The following GON4L variants were observed in gnomAD, a reference collection of about 807,000 sequenced individuals.
The protein encoded by GON4L is GON-4-like protein.
In GON4L, 87 loss-of-function variants were observed where a neutral mutation model predicts 211.8. That is an observed-to-expected ratio of 0.41 (90% CI 0.35 to 0.49). The LOEUF (loss-of-function observed/expected upper bound fraction) is 0.49. GON4L is among the 20% of genes least tolerant of loss of function. GON4L has a pLI of 0.15. For missense variants in GON4L, 2,155 were observed against 2,659.5 expected (o/e 0.81, Z 4.17); for synonymous variants, 875 against 962.6 (o/e 0.91, Z 1.68).
chr1:155,779,427 C>T (rs983934922), intron 14 of GON4L, among the ~76,000 whole-genome samples: 1 of 151,008 alleles, frequency 6.6e-6, no homozygotes, highest in African/African-American at 2.4e-5. Flanking sequence ...AGTGATTCTC[C>T]TGCCTCAGCC....
At position 155,763,530 on chromosome 1, in the gene GON4L, T is replaced by C; in HGVS notation, c.4508A>G (p.Glu1503Gly). 1 of 1,548,866 alleles carries C rather than the reference T, an allele frequency of 6.5e-7. No individual in the cohort carries two copies. ...CTCACCCTCCTGACTCATGCGCCTT[T>C]CAGATGCCAGCCAAGTCAGTTTCTC... ...TMEKLTWLAS[E>G]RRMSQEGESE... The change falls in exon 22 of 32, where the codon GAA becomes GGA. Residue 1503 changes from glutamate (E) to glycine (G), a missense_variant. By Grantham distance (98) the Glu-to-Gly change is moderately conservative. This residue lies in a region of GON4L where 35 missense variants were observed against 73.9 expected (regional missense o/e 0.47). Coordinates refer to ENST00000368331, the MANE Select transcript of GON4L (RefSeq NM_001282860.2).
chr1:155,816,747 C>T (rs1005331520), intron 6 of GON4L, among the ~76,000 whole-genome samples: 1 of 136,208 alleles, frequency 7.3e-6, no homozygotes, highest in African/African-American at 2.8e-5. Context: ...GGTAGCCCTG[C>T]TCTGCCTATG....
chr1:155,854,255 C>T (rs1389150275), intron 1 of GON4L, among the ~76,000 whole-genome samples: 1 of 152,198 alleles, frequency 6.6e-6, no homozygotes, highest in Non-Finnish European at 1.5e-5. Context: ...GCGTTTTACG[C>T]CATTCTCCTG....
chr1:155,827,485 A>T (rs949828613), intron 2 of GON4L, among the ~76,000 whole-genome samples: 1 of 152,138 alleles, frequency 6.6e-6, no homozygotes, highest in Non-Finnish European at 1.5e-5. Flanking sequence ...AACACTTCAT[A>T]AACACTCCCT....
At chr1:155,749,198 G>A (rs1660371408), downstream of GON4L, 1 of 1,294,406 alleles carries the variant, frequency 7.7e-7, no homozygotes, top group South Asian at 1.4e-5. Flanking sequence ...GTTGCAGTGA[G>A]CCGAGATCAC....
Position 155,773,198 on chromosome 1 carries a change from G to A in GON4L, c.2363C>T (p.Pro788Leu), listed in dbSNP as rs200205819. The A allele has an allele frequency of 3.7e-5, 60 of 1,613,830 alleles. No individual in the cohort carries two copies. The highest frequency in any genetic ancestry group is 5.9e-6 in the Non-Finnish European group (7 of 1,179,944). Residue 788 changes from proline to leucine, a missense_variant, in exon 18 of 32, where the codon CCC (proline) becomes CTC (leucine). This residue lies in a region of GON4L where 551 missense variants were observed against 854.0 expected (regional missense o/e 0.65). Transcript: ENST00000368331. ...CCAAGCCACTTGCTTTGGCAAACAG[G>A]GAAATTCATTCGCTATAAGAAAATA... ...KTVKKTANEF[P>L]CLPKQVAWIL...
chr1:155,785,381 G>T lies in GON4L; in HGVS notation c.1748-7C>A. 1 of 1,584,050 alleles carries T rather than the reference G, an allele frequency of 6.3e-7. No individual in the cohort carries two copies. The highest frequency in any genetic ancestry group is 8.7e-7 in the Non-Finnish European group (1 of 1,152,642). On this transcript the variant is annotated splice_region_variant and splice_polypyrimidine_tract_variant and intron_variant, in intron 12 of 31. Coordinates refer to ENST00000368331, the MANE Select transcript of GON4L (RefSeq NM_001282860.2). Reference sequence around the variant, plus strand: ...AGCTCATTTACTTCCTTTTCTGCAAGAAAGCCAGACAGTATATTGTTGGTA... The same window carrying T: ...AGCTCATTTACTTCCTTTTCTGCAATAAAGCCAGACAGTATATTGTTGGTA...
rs992090588 is a variant in GON4L at position 155,835,170 on chromosome 1, C to T, written c.506-8142G>A. ...ATCCTGTTGATCTGTGACCTTACCC[C>T]CAACCCTGTGCTCTCTGAAACATGT... is the stretch of plus-strand genomic sequence containing the variant. On this transcript the variant is annotated intron_variant, in intron 2 of 31. Transcript: ENST00000368331. Among the ~76,000 whole-genome samples the T allele has an allele frequency of 5.9e-5, 9 of 152,132 alleles. No individual in the cohort carries two copies. In the South Asian group the frequency reaches 1.5e-3, roughly 25 times the overall value.
intron 12 of GON4L, among the ~76,000 whole-genome samples, chr1:155,790,858 C>T (rs1348496532): frequency 6.6e-6 from 1 of 151,606 alleles, no homozygotes; most frequent in Non-Finnish European, 1.5e-5. Flanking sequence ...GCAGGAGATT[C>T]ACTTGAACCA....
At chr1:155,789,635 A>G (rs879470200) in intron 12 of GON4L, among the ~76,000 whole-genome samples, 11 of 152,086 alleles carry the variant, frequency 7.2e-5, no homozygotes, top group Non-Finnish European at 1.0e-4. Context: ...AAAAAAGTGA[A>G]GTATAATTTA....
intron 25 of GON4L, among the ~76,000 whole-genome samples, chr1:155,757,549 C>G (rs1408512344): frequency 1.3e-5 from 2 of 151,750 alleles, no homozygotes; most frequent in Non-Finnish European, 2.9e-5. Flanking sequence ...ACTCTCCACT[C>G]CACCCTACTG....
At chr1:155,798,785 T>C (rs1422271814) in intron 11 of GON4L, among the ~76,000 whole-genome samples, 2 of 151,914 alleles carry the variant, frequency 1.3e-5, no homozygotes, top group Non-Finnish European at 1.5e-5. Flanking sequence ...TAATGAGTAG[T>C]GTGCACAGGT....
intron 12 of GON4L, among the ~76,000 whole-genome samples, chr1:155,786,716 A>G (rs574467097): frequency 6.6e-6 from 1 of 152,238 alleles, no homozygotes; most frequent in South Asian, 2.1e-4. Context: ...TCAAAATTAT[A>G]TTTTCTCAAA....
rs1187425599 is a variant in GON4L at position 155,793,466 on chromosome 1, T to A, written c.1747+1584A>T. On this transcript the variant is annotated intron_variant, in intron 12 of 31. Coordinates refer to ENST00000368331, the MANE Select transcript of GON4L (RefSeq NM_001282860.2). ...CCAGCATCTTACCTTCTCCATGTCG[T>A]GTATATTATTCCAGTACAGGGTCAT... 2.0e-5 allele frequency among the ~76,000 whole-genome samples: 3 copies of A among 152,236 alleles called. No individual in the cohort carries two copies. In the East Asian group the frequency reaches 5.8e-4, roughly 29 times the overall value.
At position 155,765,583 on chromosome 1, in the gene GON4L, T is replaced by C; in HGVS notation, c.3890A>G (p.Glu1297Gly). 1 of 1,614,142 alleles carries C rather than the reference T, an allele frequency of 6.2e-7. No individual in the cohort carries two copies. Among genetic ancestry groups the C allele is most frequent in the Non-Finnish European group, 8.5e-7 (1 of 1,180,024 alleles). ...GAGCGGCTCCAGAGCTTGCCTCCCC[T>C]CCTCTGTTTTCACAACGGTCCAGCG... ...ACRWTVVKTE[E>G]GRQALEPLPQ... Residue 1297 changes from glutamate (E) to glycine (G), a missense_variant, in exon 21 of 32, where the codon GAG becomes GGG. Glu to Gly is a moderately conservative substitution (Grantham distance 98, BLOSUM62 -2). Around this residue, in one of 6 missense-constraint regions of GON4L, gnomAD observed 615 missense variants for 625.7 expected, o/e 0.98. Transcript: ENST00000368331.
At chr1:155,749,476 T>C, downstream of GON4L, 1 of 1,479,902 alleles carries the variant, frequency 6.8e-7, no homozygotes, top group Non-Finnish European at 9.2e-7. Context: ...ACCGCAACCC[T>C]CCCTTGACTT....
chr1:155,805,714 T>C (rs894190498), intron 10 of GON4L, among the ~76,000 whole-genome samples: 12 of 150,878 alleles, frequency 8.0e-5, no homozygotes, highest in Non-Finnish European at 1.3e-4. Context: ...TTTTGAGACA[T>C]AGTCTTGCTT....
At chr1:155,790,942 C>G (rs1665487423) in intron 12 of GON4L, among the ~76,000 whole-genome samples, 3 of 148,224 alleles carry the variant, frequency 2.0e-5, no homozygotes, top group African/African-American at 7.5e-5. Flanking sequence ...GACTCCTTCT[C>G]AAAAAAAAAC....
chr1:155,764,593 C>T (rs909758233), intron 21 of GON4L: 3 of 398,946 alleles, frequency 7.5e-6, no homozygotes, highest in Non-Finnish European at 1.4e-5. Flanking sequence ...GTGTCCGCCA[C>T]CATGCCTGGC....
Sources: gnomAD v4.1 joint callset for allele counts (sites outside exome capture counted in the v4.1 genomes callset) on GRCh38, gnomAD v4.1.1 for gene constraint, gnomAD v4.1.1 regional missense constraint, MANE v1.5 for transcripts, NCBI Gene and HGNC (gene_info 2026-07-23, HGNC 2026-07-21) for gene names.